The following NALF1 variants were observed in gnomAD, a reference collection of about 807,000 sequenced individuals.
NALF1 encodes the protein NALCN channel auxiliary factor 1.
A neutral mutation model predicts 48.4 loss-of-function variants in NALF1; 3 were observed. That is an observed-to-expected ratio of 0.06 (90% CI 0.03 to 0.16). The LOEUF is 0.16. NALF1 is among the 10% of genes least tolerant of loss of function. The pLI is 1.00. For missense variants in NALF1, 526 were observed against 571.5 expected (o/e 0.92, Z 0.81); for synonymous variants, 262 against 245.7 (o/e 1.07, Z -0.62).
chr13:107,224,653 C>T (rs1332476615), intron 1 of NALF1, among the ~76,000 whole-genome samples: 1 of 151,984 alleles, frequency 6.6e-6, no homozygotes, highest in Non-Finnish European at 1.5e-5. Context: ...AAATAAGCAC[C>T]TTAACAAATT....
intron 1 of NALF1, among the ~76,000 whole-genome samples, chr13:107,556,222 T>A (rs889494755): frequency 9.3e-5 from 14 of 150,820 alleles, no homozygotes; most frequent in Non-Finnish European, 2.1e-4. Flanking sequence ...CTGATAGTCA[T>A]TCCTTTTGCT....
At chr13:107,628,843 T>C (rs1048019669) in intron 1 of NALF1, among the ~76,000 whole-genome samples, 2 of 152,138 alleles carry the variant, frequency 1.3e-5, no homozygotes, top group African/African-American at 4.8e-5. Flanking sequence ...GTGACAAACA[T>C]ATTTAACCAG....
intron 1 of NALF1, among the ~76,000 whole-genome samples, chr13:107,447,165 TCTC>T (rs1040106095): frequency 6.6e-6 from 1 of 152,146 alleles, no homozygotes; most frequent in Non-Finnish European, 1.5e-5. Flanking sequence ...TCCTTCCTCT[TCTC>T]CTTGGCCTCC....
At chr13:107,680,575 G>C (rs12862435) in intron 1 of NALF1, among the ~76,000 whole-genome samples, 52,493 of 151,380 alleles carry the variant, frequency 0.35, 9,229 homozygotes, top group East Asian at 0.47. Context: ...TGTGAATGAG[G>C]GTATGTGACT....
At chr13:107,634,961 C>T (rs1465708383) in intron 1 of NALF1, among the ~76,000 whole-genome samples, 1 of 152,092 alleles carries the variant, frequency 6.6e-6, no homozygotes, top group Non-Finnish European at 1.5e-5. Flanking sequence ...TATAGTTACA[C>T]AAACAAGCTG....
chr13:107,759,205 C>CTTCTGT (rs1877197608), intron 1 of NALF1, among the ~76,000 whole-genome samples: 1 of 151,976 alleles, frequency 6.6e-6, no homozygotes. Context: ...TCTCTGATTT[C>CTTCTGT]TTTTGTTTTT....
chr13:107,485,243 G>A (rs1208896347), intron 1 of NALF1, among the ~76,000 whole-genome samples: 2 of 152,072 alleles, frequency 1.3e-5, no homozygotes, highest in Non-Finnish European at 2.9e-5. Context: ...GCCTCTCTTC[G>A]TGATTGCCAA....
At chr13:107,409,458 GGACTGGT>G (rs1437251043) in intron 1 of NALF1, among the ~76,000 whole-genome samples, 1 of 152,142 alleles carries the variant, frequency 6.6e-6, no homozygotes, top group Non-Finnish European at 1.5e-5. Flanking sequence ...AATTCTTGGA[GGACTGGT>G]GATGCTTGAG....
chr13:107,525,271 C>T (rs915199048), intron 1 of NALF1, among the ~76,000 whole-genome samples: 1 of 152,122 alleles, frequency 6.6e-6, no homozygotes, highest in Non-Finnish European at 1.5e-5. Flanking sequence ...CTTACTGTCA[C>T]ACAATCTCCT....
At chr13:107,464,511 T>C (rs1200129644) in intron 1 of NALF1, among the ~76,000 whole-genome samples, 1 of 152,100 alleles carries the variant, frequency 6.6e-6, no homozygotes, top group Non-Finnish European at 1.5e-5. Flanking sequence ...ATAAATGCAA[T>C]ACAAATTTTT....
intron 1 of NALF1, among the ~76,000 whole-genome samples, chr13:107,324,435 T>C (rs914861921): frequency 1.9e-4 from 29 of 152,198 alleles, no homozygotes; most frequent in African/African-American, 6.8e-4. Context: ...ACCTTGTACT[T>C]AACTTTCTGG....
intron 1 of NALF1, among the ~76,000 whole-genome samples, chr13:107,289,499 C>G (rs1207424708): frequency 6.6e-6 from 1 of 152,030 alleles, no homozygotes; most frequent in Non-Finnish European, 1.5e-5. Context: ...TAATATATTA[C>G]AGAGGTATAC....
intron 1 of NALF1, among the ~76,000 whole-genome samples, chr13:107,361,007 G>T (rs975486136): frequency 6.6e-5 from 10 of 152,066 alleles, no homozygotes; most frequent in African/African-American, 2.2e-4. Context: ...CTGTAGGTTT[G>T]TAGTTAAATG....
intron 1 of NALF1, among the ~76,000 whole-genome samples, chr13:107,419,920 C>A (rs1163057808): frequency 6.6e-6 from 1 of 151,904 alleles, no homozygotes; most frequent in Non-Finnish European, 1.5e-5. Flanking sequence ...GTTGAGACAA[C>A]AATTTACTTA....
chr13:107,265,855 C>CTAAA (rs565940227), intron 1 of NALF1, among the ~76,000 whole-genome samples: 314 of 152,018 alleles, frequency 2.1e-3, no homozygotes, highest in African/African-American at 7.2e-3. Flanking sequence ...TAAACATAGA[C>CTAAA]TAAATAAAAA....
At chr13:107,177,257 A>T (rs1019674550) in intron 2 of NALF1, among the ~76,000 whole-genome samples, 69 of 152,248 alleles carry the variant, frequency 4.5e-4, no homozygotes, top group African/African-American at 1.7e-3. Context: ...CATGGATTGG[A>T]AGAATCAGTA....
intron 1 of NALF1, among the ~76,000 whole-genome samples, chr13:107,720,428 T>G (rs1875949060): frequency 7.4e-6 from 1 of 135,612 alleles, no homozygotes; most frequent in Admixed American, 9.0e-5. Flanking sequence ...AGAGAATCGC[T>G]TGAACCCAAG....
chr13:107,303,088 T>G (rs988573272), intron 1 of NALF1, among the ~76,000 whole-genome samples: 2 of 152,198 alleles, frequency 1.3e-5, no homozygotes, highest in African/African-American at 4.8e-5. Context: ...GCTATCCTGG[T>G]GGGTATGAAG....
chr13:107,223,488 T>C (rs976411226), intron 1 of NALF1, among the ~76,000 whole-genome samples: 1 of 152,322 alleles, frequency 6.6e-6, no homozygotes, highest in African/African-American at 2.4e-5. Context: ...TTTTAGATCA[T>C]GTTATTGTCT....
Sources: allele counts gnomAD v4.1 joint callset (sites outside exome capture counted in the v4.1 genomes callset), GRCh38; gene constraint gnomAD v4.1.1; transcripts MANE v1.5; gene names NCBI Gene and HGNC (gene_info 2026-07-23, HGNC 2026-07-21).